Variants in FCRL2 observed in about 807,000 individuals in gnomAD.
FCRL2 encodes Fc receptor like 2.
Under a neutral mutation model 59.8 loss-of-function variants are expected in FCRL2, and 48 were observed. The observed-to-expected ratio is 0.80, with a 90% CI of 0.64 to 1.02. The LOEUF (loss-of-function observed/expected upper bound fraction) is 1.02. FCRL2 is among the 50% of genes least tolerant of loss of function. FCRL2 has a pLI of 0.00. For missense variants in FCRL2, 658 were observed against 597.3 expected (o/e 1.10, Z -1.06); for synonymous variants, 251 against 229.5 (o/e 1.09, Z -0.85).
chr1:157,762,382 G>A (rs1649168279), intron 7 of FCRL2, among the ~76,000 whole-genome samples: 1 of 152,168 alleles, frequency 6.6e-6, no homozygotes, highest in Admixed American at 6.5e-5. Flanking sequence ...TCACCTGCCT[G>A]GCCCAGCATA....
intron 7 of FCRL2, among the ~76,000 whole-genome samples, chr1:157,757,962 GA>G (rs1025428029): frequency 1.3e-5 from 2 of 151,820 alleles, no homozygotes; most frequent in African/African-American, 4.8e-5. Flanking sequence ...ACTGCGTCTC[GA>G]AAAAAAAGAA....
intron 5 of FCRL2, chr1:157,768,123 T>C (rs1649667638): frequency 2.9e-6 from 1 of 339,732 alleles, no homozygotes; most frequent in Non-Finnish European, 5.3e-6. Context: ...TTTAGATCCA[T>C]GACACTCCCT....
Position 157,746,677 on chromosome 1 carries a change from G to A in FCRL2, c.*59C>T, listed in dbSNP as rs1647768525. 1.9e-6 allele frequency: 3 copies of A among 1,558,122 alleles called. No homozygotes were observed. Among genetic ancestry groups the A allele is most frequent in the Non-Finnish European group, 2.7e-6 (3 of 1,129,846 alleles). Reference sequence around the variant, plus strand: ...TCAAGCATTTTCATAAGGTTTTATAGCAAGTCTTAATGATGCCCCATCCTT... The same window carrying A: ...TCAAGCATTTTCATAAGGTTTTATAACAAGTCTTAATGATGCCCCATCCTT... On this transcript the variant is annotated 3_prime_UTR_variant, in exon 12 of 12. Transcript: ENST00000361516.
intron 7 of FCRL2, among the ~76,000 whole-genome samples, chr1:157,753,010 C>T (rs774444736): frequency 4.6e-5 from 7 of 151,980 alleles, no homozygotes; most frequent in Non-Finnish European, 1.0e-4. Context: ...TGTTATAAAG[C>T]GAAGGCATAC....
At chr1:157,761,010 AAT>A (rs1649063092) in intron 7 of FCRL2, among the ~76,000 whole-genome samples, 1 of 152,234 alleles carries the variant, frequency 6.6e-6, no homozygotes, top group Non-Finnish European at 1.5e-5. Flanking sequence ...TGTGGAAGAA[AAT>A]TAATGAGTTC....
intron 2 of FCRL2, 25 bp downstream of exon 2, chr1:157,775,750 A>C (rs1372934659): frequency 6.2e-7 from 1 of 1,613,958 alleles, no homozygotes; most frequent in Non-Finnish European, 8.5e-7. Flanking sequence ...AGAGACCAAG[A>C]ACAACAAAGA....
intron 7 of FCRL2, among the ~76,000 whole-genome samples, chr1:157,750,936 G>A (rs573722909): frequency 6.6e-6 from 1 of 151,998 alleles, no homozygotes; most frequent in Admixed American, 6.6e-5. Flanking sequence ...TCCAAAAATC[G>A]ACATGGTACA....
rs536333378 is a variant in FCRL2, at chr1:157,749,753, C to A, written c.1280-76G>T. On this transcript the variant is annotated intron_variant, in intron 7 of 11. Coordinates refer to ENST00000361516, the MANE Select transcript of FCRL2 (RefSeq NM_030764.4). ...TTAAAATTTTGACATGATTTAACTA[C>A]GTATAATCAGCTGGTAAGACATAAG... 5.4e-4 allele frequency: 597 copies of A among 1,106,524 alleles called. 3 individuals carry two copies. Among genetic ancestry groups the A allele is most frequent in the Middle Eastern group, 2.7e-3 (9 of 3,306 alleles). 68.5% of individuals were successfully genotyped at this position (1,106,524 alleles called of 1,614,324 possible). A position where few individuals can be genotyped will look rare whatever the true frequency, so the allele number is the denominator to read the frequency against.
At chr1:157,760,739 G>GAAAT (rs368356304) in intron 7 of FCRL2, among the ~76,000 whole-genome samples, 1 of 143,302 alleles carries the variant, frequency 7.0e-6, no homozygotes, top group African/African-American at 2.6e-5. Context: ...AAGAAAGAAA[G>GAAAT]AAAGAAAGAA....
chr1:157,761,855 T>A (rs1649127081), intron 7 of FCRL2, among the ~76,000 whole-genome samples: 1 of 152,218 alleles, frequency 6.6e-6, no homozygotes, highest in Admixed American at 6.5e-5. Context: ...AGGAATATGT[T>A]GGTTGTAAAA....
At chr1:157,765,784 C>G (rs1166526851) in intron 7 of FCRL2, among the ~76,000 whole-genome samples, 1 of 152,132 alleles carries the variant, frequency 6.6e-6, no homozygotes, top group African/African-American at 2.4e-5. Flanking sequence ...TTCACTGATA[C>G]CTAGGCAAGT....
rs182362404 is a variant in FCRL2, at chr1:157,750,808, T to C, written c.1280-1131A>G. The stretch of plus-strand genomic sequence containing the variant: ...AATTAGTGTATATGTTTCCAGCAAT[T>C]CCTTCTTGAAGAAATTATTTTAAAA... On this transcript the variant is annotated intron_variant, in intron 7 of 11. Coordinates refer to ENST00000361516, the MANE Select transcript of FCRL2 (RefSeq NM_030764.4). Among the ~76,000 whole-genome samples, 356 of 152,304 alleles carry C rather than the reference T, an allele frequency of 2.3e-3. 2 individuals carry two copies. The highest frequency in any genetic ancestry group is 6.8e-3 in the Middle Eastern group (2 of 294).
rs148346180 is a variant in FCRL2, at chr1:157,763,205, A to G, written c.1279+3650T>C. Among the ~76,000 whole-genome samples, 1,233 of 152,366 alleles carry G rather than the reference A, an allele frequency of 8.1e-3. 5 individuals are homozygous for G. The highest frequency in any genetic ancestry group is 0.011 in the Non-Finnish European group (737 of 68,036). ...CTTCACATATCAGTAATAACCTTGAATGTAAATTGATTAAATTCTTTACTT... is the reference window on the plus strand; with the variant it reads ...CTTCACATATCAGTAATAACCTTGAGTGTAAATTGATTAAATTCTTTACTT... On this transcript the variant is annotated intron_variant, in intron 7 of 11. Transcript: ENST00000361516.
intron 2 of FCRL2, among the ~76,000 whole-genome samples, chr1:157,770,909 A>G (rs970585543): frequency 6.6e-6 from 1 of 152,192 alleles, no homozygotes; most frequent in Non-Finnish European, 1.5e-5. Flanking sequence ...ATTTCTCACA[A>G]TTCTGGACGT....
chr1:157,749,662 G>C lies in FCRL2; in HGVS notation c.1295C>G (p.Thr432Ser). 2 of 1,608,840 alleles carry C rather than the reference G, an allele frequency of 1.2e-6. No homozygotes were observed. Among genetic ancestry groups the C allele is most frequent in the Non-Finnish European group, 1.7e-6 (2 of 1,176,746 alleles). ...GAAGAGTTCTCACCTGGGTTCATTA[G>C]TGGCAGAACTTTCTCCTGAAATGCA... ...FHKISGESSA[T>S]NEPRGASRPN... is the part of the protein sequence containing the mutation. The change falls in exon 8 of 12, where the codon ACT (threonine) becomes AGT (serine). Residue 432 changes from threonine (T) to serine (S), a missense_variant. Thr to Ser is a moderately conservative substitution (Grantham distance 58, BLOSUM62 1). Coordinates refer to ENST00000361516, the MANE Select transcript of FCRL2 (RefSeq NM_030764.4).
At chr1:157,747,995 T>C (rs16839029) in intron 10 of FCRL2, among the ~76,000 whole-genome samples, 4,857 of 152,238 alleles carry the variant, frequency 0.032, 242 homozygotes, top group African/African-American at 0.11. Context: ...CCGATTCAAA[T>C]GAAGACTCAT....
At chr1:157,747,324 T>C (rs1367243076) in intron 10 of FCRL2, among the ~76,000 whole-genome samples, 1 of 152,150 alleles carries the variant, frequency 6.6e-6, no homozygotes, top group Non-Finnish European at 1.5e-5. Context: ...CACATAGTAT[T>C]TTGAGTCTGG....
intron 7 of FCRL2, among the ~76,000 whole-genome samples, chr1:157,757,830 C>T (rs980981977): frequency 9.2e-5 from 14 of 152,248 alleles, no homozygotes; most frequent in African/African-American, 2.2e-4. Context: ...GGCGTGGTGG[C>T]GGACGCCTGC....
intron 2 of FCRL2, among the ~76,000 whole-genome samples, chr1:157,772,146 C>T (rs1414832320): frequency 6.6e-6 from 1 of 150,580 alleles, no homozygotes. Flanking sequence ...GAAACGCCAC[C>T]GTGGGACTCG....
Sources: allele counts gnomAD v4.1 joint callset (sites outside exome capture counted in the v4.1 genomes callset), GRCh38; gene constraint gnomAD v4.1.1; transcripts MANE v1.5; gene names NCBI Gene and HGNC (gene_info 2026-07-23, HGNC 2026-07-21).